SLCO1B3: variants seen among roughly 807,000 people sequenced by gnomAD.
SLCO1B3 encodes liver-specific organic anion transporter 2.
Under a neutral mutation model 71.8 loss-of-function variants are expected in SLCO1B3, and 72 were observed. The ratio of observed to expected loss-of-function variants is 1.00; its 90% CI spans 0.83 to 1.22. SLCO1B3 has a LOEUF of 1.22. Among genes scored for constraint, SLCO1B3 ranks in the 50% most tolerant of loss-of-function variants. The probability of loss-of-function intolerance (pLI) is 0.00; values close to 1 mark genes in which losing one functional copy is unlikely to be tolerated. For synonymous variants in SLCO1B3, 298 were observed against 278.4 expected, an observed-to-expected ratio of 1.07 and a Z score of -0.70; for missense variants, 911 against 819.7, an observed-to-expected ratio of 1.11 and a Z score of -1.36.
At chr12:20,847,523 C>A (rs539558699) in intron 3 of SLCO1B3, among the ~76,000 whole-genome samples, 1 of 138,202 alleles carries the variant, frequency 7.2e-6, no homozygotes, top group Non-Finnish European at 1.6e-5. Flanking sequence ...TCAGACAACC[C>A]AGCTTTCAGA....
intron 3 of SLCO1B3, among the ~76,000 whole-genome samples, chr12:20,825,653 G>T (rs35607111): frequency 0.15 from 22,886 of 151,854 alleles, 1,939 homozygotes; most frequent in African/African-American, 0.23. Flanking sequence ...ACAAAAATTA[G>T]CCAGATGTGG....
At chr12:20,888,325 A>G (rs1865830624) in intron 13 of SLCO1B3, among the ~76,000 whole-genome samples, 1 of 151,972 alleles carries the variant, frequency 6.6e-6, no homozygotes, top group East Asian at 1.9e-4. Flanking sequence ...ATTCCAATTC[A>G]TGAGCGTAGG....
chr12:20,889,566 A>G (rs1036780456), intron 13 of SLCO1B3, among the ~76,000 whole-genome samples: 1 of 151,908 alleles, frequency 6.6e-6, no homozygotes, highest in African/African-American at 2.4e-5. Flanking sequence ...AATATTTCTG[A>G]TTGTCCTTAT....
chr12:20,852,244 G>A (rs1865040143), intron 3 of SLCO1B3, among the ~76,000 whole-genome samples: 1 of 152,138 alleles, frequency 6.6e-6, no homozygotes, highest in African/African-American at 2.4e-5. Flanking sequence ...GAAGTCTGAG[G>A]CTGGAGGATC....
At chr12:20,878,038 A>C (rs879662527) in intron 10 of SLCO1B3, 102 bp downstream of exon 10, 4 of 771,432 alleles carry the variant, frequency 5.2e-6, no homozygotes, top group Non-Finnish European at 8.1e-6. Flanking sequence ...TATTTTACTA[A>C]ATGTAATCTT....
intron 4 of SLCO1B3, among the ~76,000 whole-genome samples, chr12:20,856,525 A>G (rs912023597): frequency 1.7e-4 from 26 of 152,144 alleles, no homozygotes; most frequent in Admixed American, 7.2e-4. Flanking sequence ...ATACAGGAGG[A>G]TGTTGATAGG....
chr12:20,908,869 A>G (rs1489650035), intron 15 of SLCO1B3, among the ~76,000 whole-genome samples: 7 of 152,248 alleles, frequency 4.6e-5, no homozygotes, highest in Non-Finnish European at 1.0e-4. Flanking sequence ...CAGTTTTTGT[A>G]TAGATACAGG....
intron 13 of SLCO1B3, among the ~76,000 whole-genome samples, chr12:20,896,963 C>G (rs1012886382): frequency 3.3e-5 from 5 of 152,170 alleles, no homozygotes; most frequent in Admixed American, 2.6e-4. Context: ...CTCTGACTTA[C>G]AAAGCCATCA....
At chr12:20,901,571 C>A in intron 15 of SLCO1B3, 104 bp downstream of exon 15, 1 of 603,906 alleles carries the variant, frequency 1.7e-6, no homozygotes, top group East Asian at 3.0e-5. Flanking sequence ...TGATAGCTAC[C>A]ATTTAGTGAA....
At chr12:20,822,605 C>G (rs1338801281) in intron 3 of SLCO1B3, among the ~76,000 whole-genome samples, 1 of 152,100 alleles carries the variant, frequency 6.6e-6, no homozygotes, top group Non-Finnish European at 1.5e-5. Flanking sequence ...GGCTTGGGCT[C>G]AGAGACCTGA....
rs532188028 is a variant in SLCO1B3 at position 20,822,175 on chromosome 12, C to T, written c.84+6353C>T. On this transcript the variant is annotated intron_variant, in intron 3 of 15. Transcript: ENST00000381545. ...AAGGGAGGTCCCCCGATCCAAGTCA[C>T]GGCACCAAATTTCATGTGTGTCCAT... Among the ~76,000 whole-genome samples the T allele has an allele frequency of 7.9e-5, 12 of 152,268 alleles. No homozygotes were observed. In the South Asian group the frequency reaches 1.0e-3, roughly 13 times the overall value.
intron 13 of SLCO1B3, among the ~76,000 whole-genome samples, chr12:20,895,390 AG>A: frequency 6.6e-6 from 1 of 152,200 alleles, no homozygotes; most frequent in Non-Finnish European, 1.5e-5. Context: ...ATGGGGGTAC[AG>A]GCATTGGGTA....
intron 3 of SLCO1B3, among the ~76,000 whole-genome samples, chr12:20,836,863 G>A (rs1864693285): frequency 1.3e-5 from 2 of 152,042 alleles, no homozygotes; most frequent in African/African-American, 4.8e-5. Context: ...GGATGGTCTC[G>A]ATCTCCTGAC....
chr12:20,887,624 T>C (rs1397330047), intron 13 of SLCO1B3, among the ~76,000 whole-genome samples: 1 of 151,984 alleles, frequency 6.6e-6, no homozygotes, highest in Non-Finnish European at 1.5e-5. Flanking sequence ...TAGCCCTTTG[T>C]CAGATGCATT....
intron 8 of SLCO1B3, among the ~76,000 whole-genome samples, chr12:20,873,125 C>A (rs562947114): frequency 6.6e-6 from 1 of 152,282 alleles, no homozygotes; most frequent in Non-Finnish European, 1.5e-5. Context: ...CCTCATCACT[C>A]TGCTTAAATC....
chr12:20,817,088 A>G (rs963403619), intron 3 of SLCO1B3, among the ~76,000 whole-genome samples: 1 of 152,190 alleles, frequency 6.6e-6, no homozygotes, highest in Non-Finnish European at 1.5e-5. Context: ...CTACTTAGAC[A>G]TTCTGGTGAT....
At chr12:20,843,101 A>G (rs112953450) in intron 3 of SLCO1B3, among the ~76,000 whole-genome samples, 186 of 152,292 alleles carry the variant, frequency 1.2e-3, no homozygotes, top group African/African-American at 4.3e-3. Context: ...TAGAAGCCCC[A>G]AACATACTAA....
At chr12:20,820,963 T>C (rs1047727535) in intron 3 of SLCO1B3, among the ~76,000 whole-genome samples, 1 of 151,974 alleles carries the variant, frequency 6.6e-6, no homozygotes, top group Non-Finnish European at 1.5e-5. Context: ...GTAAGCCGGA[T>C]CAGGTGTGAG....
chr12:20,904,252 ATT>A (rs1866188311), intron 15 of SLCO1B3, among the ~76,000 whole-genome samples: 1 of 150,918 alleles, frequency 6.6e-6, no homozygotes, highest in African/African-American at 2.4e-5. Flanking sequence ...AAAAAAAAAA[ATT>A]AGTTACTTCC....
Sources: allele counts gnomAD v4.1 joint callset (sites outside exome capture counted in the v4.1 genomes callset), GRCh38; gene constraint gnomAD v4.1.1; transcripts MANE v1.5; gene names NCBI Gene and HGNC (gene_info 2026-07-23, HGNC 2026-07-21).